The following SEMA3A variants were observed in gnomAD, a reference collection of about 807,000 sequenced individuals.
The protein encoded by SEMA3A is semaphorin-3A.
In SEMA3A, 29 loss-of-function variants were observed where a neutral mutation model predicts 97.9. That is an observed-to-expected ratio of 0.30 (90% CI 0.22 to 0.40). The LOEUF is 0.40. SEMA3A is among the 10% of genes least tolerant of loss of function. SEMA3A has a pLI of 1.00. For missense variants in SEMA3A, 763 were observed against 951.3 expected (o/e 0.80, Z 2.60); for synonymous variants, 321 against 323.7 (o/e 0.99, Z 0.09).
intron 4 of SEMA3A, among the ~76,000 whole-genome samples, chr7:84,095,167 C>T (rs62477297): frequency 0.41 from 60,514 of 146,116 alleles, 14,315 homozygotes; most frequent in Non-Finnish European, 0.52. Flanking sequence ...ATATATTGCA[C>T]ATATCTCTCT....
Position 84,348,958 on chromosome 7 carries a change from T to C in SEMA3A, c.-169+22866A>G, listed in dbSNP as rs189420895. On this transcript the variant is annotated intron_variant, in intron 2 of 3. Coordinates refer to the SEMA3A transcript ENST00000424555. ...AACACTGCCTCACTGCACTCCAGCC[T>C]GGGCAAGGGAGTGAGACTCCATCTC... is the stretch of plus-strand genomic sequence containing the variant. Among the ~76,000 whole-genome samples the C allele has an allele frequency of 4.2e-3, 633 of 152,226 alleles. 5 individuals carry two copies. Among genetic ancestry groups the C allele is most frequent in the African/African-American group, 0.015 (603 of 41,536 alleles).
chr7:84,398,725 T>C (rs1291162905), intron 1 of SEMA3A, among the ~76,000 whole-genome samples: 1 of 151,964 alleles, frequency 6.6e-6, no homozygotes, highest in Non-Finnish European at 1.5e-5. Flanking sequence ...GGAGGATCAC[T>C]AGAGCCCAGG....
intron 1 of SEMA3A, among the ~76,000 whole-genome samples, chr7:84,167,805 TAAA>T (rs1797258966): frequency 1.3e-5 from 2 of 152,162 alleles, no homozygotes; most frequent in Non-Finnish European, 2.9e-5. Flanking sequence ...CTATTCCTTC[TAAA>T]ATACAAATGT....
chr7:84,124,014 G>A (rs540087554), intron 3 of SEMA3A, among the ~76,000 whole-genome samples: 4 of 152,108 alleles, frequency 2.6e-5, no homozygotes, highest in South Asian at 4.2e-4. Flanking sequence ...GAGAGAATGC[G>A]GAGACGTTTC....
intron 5 of SEMA3A, among the ~76,000 whole-genome samples, chr7:84,050,136 C>T (rs1357893400): frequency 1.3e-5 from 2 of 151,530 alleles, no homozygotes; most frequent in East Asian, 1.9e-4. Flanking sequence ...TGGGTTGGTT[C>T]CAAGTCTTTG....
At chr7:84,114,552 A>AT (rs1795368220) in intron 3 of SEMA3A, among the ~76,000 whole-genome samples, 1 of 152,028 alleles carries the variant, frequency 6.6e-6, no homozygotes, top group Non-Finnish European at 1.5e-5. Context: ...TTTTCCTATC[A>AT]TGATGGGTGG....
intron 4 of SEMA3A, among the ~76,000 whole-genome samples, chr7:84,075,412 G>C (rs1418108997): frequency 6.6e-6 from 1 of 150,700 alleles, no homozygotes; most frequent in Non-Finnish European, 1.5e-5. Flanking sequence ...ACCCGCCTCG[G>C]CCTCCCAAAG....
At chr7:84,196,285 T>A (rs1165484318), upstream of SEMA3A, among the ~76,000 whole-genome samples, 1 of 152,198 alleles carries the variant, frequency 6.6e-6, no homozygotes, top group African/African-American at 2.4e-5. Flanking sequence ...CTAAGCATTG[T>A]CACTACAGCT....
chr7:84,457,318 C>A (rs988486682), intron 1 of SEMA3A, among the ~76,000 whole-genome samples: 1 of 151,832 alleles, frequency 6.6e-6, no homozygotes, highest in African/African-American at 2.4e-5. Context: ...AGTTTTGCAG[C>A]TCCTGTGCTC....
chr7:84,483,759 T>A (rs5022084), intron 1 of SEMA3A, among the ~76,000 whole-genome samples: 222 of 99,314 alleles, frequency 2.2e-3, no homozygotes, highest in African/African-American at 8.7e-3. Flanking sequence ...TAAAAAAAAA[T>A]CTGGGTCAGG....
At chr7:84,108,654 C>T (rs919432385) in intron 4 of SEMA3A, among the ~76,000 whole-genome samples, 12 of 152,112 alleles carry the variant, frequency 7.9e-5, no homozygotes, top group Admixed American at 5.9e-4. Flanking sequence ...GCCTGTAATC[C>T]GAGCACTTTG....
At chr7:84,360,968 A>G (rs2116063587) in intron 2 of SEMA3A, among the ~76,000 whole-genome samples, 1 of 152,178 alleles carries the variant, frequency 6.6e-6, no homozygotes, top group South Asian at 2.1e-4. Flanking sequence ...TTAAAATTTA[A>G]AATATACAGG....
At chr7:84,400,899 C>A (rs1803882694) in intron 1 of SEMA3A, among the ~76,000 whole-genome samples, 1 of 152,114 alleles carries the variant, frequency 6.6e-6, no homozygotes, top group Admixed American at 6.5e-5. Flanking sequence ...ATGTGAAAAA[C>A]CCATGGCTAG....
At chr7:84,463,565 A>T (rs1805918867) in intron 1 of SEMA3A, among the ~76,000 whole-genome samples, 1 of 151,910 alleles carries the variant, frequency 6.6e-6, no homozygotes, top group Admixed American at 6.6e-5. Context: ...GTAACTATTT[A>T]GCTTTGAAAG....
intron 1 of SEMA3A, among the ~76,000 whole-genome samples, chr7:84,402,854 G>T (rs1262568574): frequency 6.6e-6 from 1 of 152,160 alleles, no homozygotes; most frequent in Non-Finnish European, 1.5e-5. Flanking sequence ...ATGTCTGGGG[G>T]CTAAAACAAT....
At chr7:84,110,660 C>A in intron 3 of SEMA3A, 71 bp from the exon 4 acceptor site, 2 of 1,488,888 alleles carry the variant, frequency 1.3e-6, no homozygotes, top group South Asian at 1.3e-5. Context: ...GGGTGCTAGG[C>A]ATGCTGGAAC....
chr7:84,418,473 C>A (rs1300061613), intron 1 of SEMA3A, among the ~76,000 whole-genome samples: 1 of 152,056 alleles, frequency 6.6e-6, no homozygotes, highest in Non-Finnish European at 1.5e-5. Context: ...AGCTACAATT[C>A]AAGATGAGAT....
At chr7:84,189,827 C>T (rs73709590) in intron 1 of SEMA3A, among the ~76,000 whole-genome samples, 8,297 of 151,148 alleles carry the variant, frequency 0.055, 309 homozygotes, top group Middle Eastern at 0.065. Flanking sequence ...GTATAATTGA[C>T]CCCAAATTAT....
intron 11 of SEMA3A, among the ~76,000 whole-genome samples, chr7:84,004,047 G>A (rs1790562937): frequency 6.9e-6 from 1 of 145,398 alleles, no homozygotes; most frequent in Admixed American, 6.8e-5. Flanking sequence ...CCATTCTCCT[G>A]TAGTTAATGC....
Sources: gnomAD v4.1 joint callset for allele counts (sites outside exome capture counted in the v4.1 genomes callset) on GRCh38, gnomAD v4.1.1 for gene constraint, MANE v1.5 for transcripts, NCBI Gene and HGNC (gene_info 2026-07-23, HGNC 2026-07-21) for gene names.